The following MIER2 variants were observed in gnomAD, a reference collection of about 807,000 sequenced individuals.
MIER2 encodes the protein mesoderm induction early response protein 2.
A neutral mutation model predicts 67.6 loss-of-function variants in MIER2; 30 were observed. The ratio of observed to expected loss-of-function variants is 0.44; its 90% confidence interval spans 0.33 to 0.60. The LOEUF is 0.60. Ranked by LOEUF, MIER2 falls within the 20% of genes least tolerant of loss-of-function variation. MIER2 has a pLI of 0.02. For missense variants in MIER2, 702 were observed against 745.1 expected (o/e 0.94, Z 0.67); for synonymous variants, 372 against 312.6 (o/e 1.19, Z -2.00).
At chr19:344,345 C>A (rs1972642044) in intron 1 of MIER2, 6 of 984,826 alleles carry the variant, frequency 6.1e-6, no homozygotes, top group Middle Eastern at 5.2e-4. Context: ...GCCTGGCGGC[C>A]CCAGCACTCG....
In MIER2 at chr19:332,085, GTTCT is replaced by G. The variant is rs913962357; in HGVS notation, c.243+2311_243+2314del. On this transcript the variant is annotated intron_variant, in intron 3 of 13. Transcript: ENST00000264819. ...TTCTAATTTTTTTTCTTTTGGGACA[GTTCT>G]TTTTATTTTCATAAAAATATTTATA... 3.3e-5 allele frequency among the ~76,000 whole-genome samples: 5 copies of G among 151,804 alleles called. No individual in the cohort carries two copies. In the East Asian group the frequency reaches 7.8e-4, roughly 24 times the overall value.
intron 7 of MIER2, among the ~76,000 whole-genome samples, chr19:324,691 GAC>G (rs1971658643): frequency 6.6e-6 from 1 of 152,218 alleles, no homozygotes; most frequent in Non-Finnish European, 1.5e-5. Flanking sequence ...CGACTCGAAT[GAC>G]ACAGGTGTCA....
At chr19:329,286 C>T (rs1019943597) in intron 3 of MIER2, among the ~76,000 whole-genome samples, 11 of 152,228 alleles carry the variant, frequency 7.2e-5, no homozygotes, top group African/African-American at 1.4e-4. Context: ...CACAGGACCC[C>T]GTGGAAAGAA....
intron 1 of MIER2, 142 bp downstream of exon 1, chr19:344,632 G>A (rs1397010289): frequency 4.5e-6 from 2 of 446,516 alleles, no homozygotes; most frequent in Non-Finnish European, 6.1e-6. Flanking sequence ...TCCGGCCCCG[G>A]ACGGGCCAGG....
intron 3 of MIER2, among the ~76,000 whole-genome samples, chr19:332,446 C>A (rs576693507): frequency 6.6e-6 from 1 of 151,672 alleles, no homozygotes; most frequent in South Asian, 2.1e-4. Flanking sequence ...GGATTACAGG[C>A]GCCTGCTACC....
In MIER2 at chr19:308,287, A is replaced by C. The variant is rs1053863380; in HGVS notation, c.1198+290T>G. On this transcript the variant is annotated intron_variant, in intron 12 of 13. Transcript: ENST00000264819. This position sits in a 1 kb window ranked among gnomAD's most constrained non-coding sequence, Gnocchi z 9.1. ...GCAGGAAGGCCCTCCCCGGAGACTG[A>C]GGCCTGGTAAATACCCCAACCTCAC... Among the ~76,000 whole-genome samples, 1 of 152,144 alleles carries C rather than the reference A, an allele frequency of 6.6e-6. No individual in the cohort carries two copies. The highest frequency in any genetic ancestry group is 2.4e-5 in the African/African-American group (1 of 41,430).
chr19:334,145 A>C (rs528085139), intron 3 of MIER2: 1 of 414,092 alleles, frequency 2.4e-6, no homozygotes, highest in Non-Finnish European at 4.3e-6. Context: ...AATAATTTTT[A>C]AGAGTACAAA....
intron 5 of MIER2, 45 bp downstream of exon 5, chr19:327,088 G>A (rs767045481): frequency 6.4e-7 from 1 of 1,552,902 alleles, no homozygotes; most frequent in South Asian, 1.2e-5. Flanking sequence ...CGACTGCCTG[G>A]CAGGGGGCCT....
rs768929225 is a variant in MIER2, at chr19:307,413, G to A, written c.1322C>T (p.Pro441Leu). 6 of 1,604,716 alleles carry A rather than the reference G, an allele frequency of 3.7e-6. No individual in the cohort carries two copies. The African/African-American group carries it at 6.7e-5, about 18-fold the overall frequency. Reference sequence around the variant, plus strand: ...CAGGGCTGGGGGCCGATGGGACAGGGGTACAGCGGGGGACTCATCCAGCTG... The same window carrying A: ...CAGGGCTGGGGGCCGATGGGACAGGAGTACAGCGGGGGACTCATCCAGCTG... ...FQQLDESPAV[P>L]LSHRPPALAD... The change falls in exon 13 of 14, where the codon CCC (proline) becomes CTC (leucine). Residue 441 changes from proline (P) to leucine (L), a missense_variant. Physicochemically the swap from Pro to Leu is moderately conservative, Grantham distance 98. This residue lies in a region of MIER2 where 254 missense variants were observed against 262.8 expected (regional missense o/e 0.97). Coordinates refer to ENST00000264819, the MANE Select transcript of MIER2 (RefSeq NM_017550.3).
intron 7 of MIER2, 112 bp from the exon 8 acceptor site, chr19:313,755 T>C (rs906338618): frequency 1.4e-6 from 2 of 1,427,012 alleles, no homozygotes; most frequent in Non-Finnish European, 1.9e-6. Flanking sequence ...GCACTGTCCG[T>C]CCTCCCTTTC....
chr19:307,078 T>C lies in MIER2; in HGVS notation c.1616+41A>G, dbSNP rs770795822. The C allele has an allele frequency of 4.6e-6, 7 of 1,535,376 alleles. No individual in the cohort carries two copies. The African/African-American group carries it at 8.2e-5, about 18-fold the overall frequency. On this transcript the variant is annotated intron_variant, in intron 13 of 13. Coordinates refer to ENST00000264819, the MANE Select transcript of MIER2 (RefSeq NM_017550.3). ...CAGCCTGAGGGCTGGGGGGACCTGGTTGGAGTGTTGCGGAGGCTCCGGGCA... is the reference window on the plus strand; with the variant it reads ...CAGCCTGAGGGCTGGGGGGACCTGGCTGGAGTGTTGCGGAGGCTCCGGGCA...
Position 326,992 on chromosome 19 carries a change from C to T in MIER2, c.493+141G>A, listed in dbSNP as rs967948007. ...GGAGGAGAACAAAGCACCCCCAGGG[C>T]TACTGACGCTTCCCGCCAGGCAGAC... On this transcript the variant is annotated intron_variant, in intron 5 of 13. Transcript: ENST00000264819. 27 of 1,206,558 alleles carry T rather than the reference C, an allele frequency of 2.2e-5. No individual in the cohort carries two copies. The African/African-American group carries it at 3.6e-4, about 16-fold the overall frequency. 74.7% of individuals were successfully genotyped at this position (1,206,558 alleles called of 1,614,324 possible). A position where few individuals can be genotyped will look rare whatever the true frequency, so the allele number is the denominator to read the frequency against.
chr19:306,599 G>T lies in MIER2; in HGVS notation c.*91C>A. 7 of 1,504,720 alleles carry T rather than the reference G, an allele frequency of 4.7e-6. No individual in the cohort carries two copies. The highest frequency in any genetic ancestry group is 6.3e-6 in the Non-Finnish European group (7 of 1,106,022). The allele number at this position is 1,504,720 out of a possible 1,614,324, so 93.2% of individuals were successfully genotyped here. The stretch of plus-strand genomic sequence containing the variant: ...GGAGGTGCTACCCCAAGGCCCGGGG[G>T]GTGGGGAAGGGGTCAGGAAGACTGA... On this transcript the variant is annotated 3_prime_UTR_variant, in exon 14 of 14. Coordinates refer to ENST00000264819, the MANE Select transcript of MIER2 (RefSeq NM_017550.3).
chr19:341,277 G>T (rs768109561), intron 1 of MIER2, among the ~76,000 whole-genome samples: 2 of 152,132 alleles, frequency 1.3e-5, no homozygotes, highest in Non-Finnish European at 2.9e-5. Context: ...CAGTCTGGAC[G>T]GCAAGTTGAC....
At chr19:332,702 G>C (rs1229543294) in intron 3 of MIER2, among the ~76,000 whole-genome samples, 3 of 118,014 alleles carry the variant, frequency 2.5e-5, no homozygotes, top group African/African-American at 1.0e-4. Flanking sequence ...CCAAAGTGCT[G>C]GGATTACAGG....
At chr19:310,576 ACGGC>A (rs1970922578) in intron 10 of MIER2, among the ~76,000 whole-genome samples, 1 of 146,920 alleles carries the variant, frequency 6.8e-6, no homozygotes, top group Non-Finnish European at 1.5e-5. Context: ...CTATAGAAAC[ACGGC>A]CGGGAGCTGC....
intron 1 of MIER2, chr19:343,809 CATT>C: frequency 1.0e-6 from 1 of 982,652 alleles, no homozygotes; most frequent in Non-Finnish European, 1.2e-6. Flanking sequence ...CCTTCACCTA[CATT>C]ATCTCTTTCC....
At position 307,361 on chromosome 19, in the gene MIER2, A is replaced by T; in HGVS notation, c.1374T>A (p.Ala458=). 1 of 1,606,372 alleles carries T rather than the reference A, an allele frequency of 6.2e-7. No individual in the cohort carries two copies. The highest frequency in any genetic ancestry group is 1.1e-5 in the South Asian group (1 of 89,446). Reference sequence around the variant, plus strand: ...TGGCGTCTGGCTCCGGAGCAGTGACAGCTGGCTGGTATGAGGCTGGGTCGG... The same window carrying T: ...TGGCGTCTGGCTCCGGAGCAGTGACTGCTGGCTGGTATGAGGCTGGGTCGG... ...ALADPASYQP[A]VTAPEPDASP... The change falls in exon 13 of 14, where the codon GCT becomes GCA. Residue 458 remains alanine (A), a synonymous_variant. Transcript: ENST00000264819.
intron 13 of MIER2, 29 bp from the exon 14 acceptor site, chr19:306,740 G>C: frequency 6.4e-7 from 1 of 1,556,362 alleles, no homozygotes; most frequent in Non-Finnish European, 8.7e-7. Flanking sequence ...GAGAGACGCA[G>C]AGAGTGTCAG....
Sources: allele counts gnomAD v4.1 joint callset (sites outside exome capture counted in the v4.1 genomes callset), GRCh38; gene constraint gnomAD v4.1.1; regional missense constraint gnomAD v4.1.1; non-coding constraint Gnocchi (gnomAD v3.1); transcripts MANE v1.5; gene names NCBI Gene and HGNC (gene_info 2026-07-23, HGNC 2026-07-21).